Variants in C7 observed in about 807,000 individuals in gnomAD.
C7 encodes complement C7.
In C7, 83 loss-of-function variants were observed where a neutral mutation model predicts 104.8. The observed-to-expected ratio is 0.79, with a 90% CI of 0.66 to 0.95. C7 has a LOEUF of 0.95. Among genes scored for constraint, C7 ranks in the 40% least tolerant of loss-of-function variants. C7 has a pLI of 0.00. For missense variants in C7, 1,070 were observed against 1,011.2 expected (o/e 1.06, Z -0.79); for synonymous variants, 415 against 360.6 (o/e 1.15, Z -1.71).
chr5:40,946,695 A>G (rs945409900), intron 7 of C7, among the ~76,000 whole-genome samples: 13 of 152,194 alleles, frequency 8.5e-5, no homozygotes, highest in African/African-American at 2.9e-4. Flanking sequence ...ACTTATATTT[A>G]TCAGTTGATA....
Position 40,951,979 on chromosome 5 carries a change from G to A in C7, c.1093+1965G>A, listed in dbSNP as rs558113297. 5.3e-5 allele frequency among the ~76,000 whole-genome samples: 8 copies of A among 152,326 alleles called. No individual in the cohort carries two copies. In the South Asian group the frequency reaches 8.3e-4, roughly 16 times the overall value. Reference sequence around the variant, plus strand: ...TATGCCAGAGAAAGTGCTTGTCTTCGTGAAGTTGACATGTCAGAGGAGGAA... The same window carrying A: ...TATGCCAGAGAAAGTGCTTGTCTTCATGAAGTTGACATGTCAGAGGAGGAA... On this transcript the variant is annotated intron_variant, in intron 9 of 17. Transcript: ENST00000313164.
Position 40,958,019 on chromosome 5 carries a change from C to T in C7, c.1261-14C>T, listed in dbSNP as rs781354967. ...AATCCCTGATTACTGACTATAATGT[C>T]TTTATCTCTATAGCTGACACCTTTA... On this transcript the variant is annotated splice_polypyrimidine_tract_variant and intron_variant, in intron 10 of 17. Coordinates refer to ENST00000313164, the MANE Select transcript of C7 (RefSeq NM_000587.4). 2.5e-6 allele frequency: 4 copies of T among 1,585,462 alleles called. No individual in the cohort carries two copies. The highest frequency in any genetic ancestry group is 3.4e-6 in the Non-Finnish European group (4 of 1,159,466).
In C7 at chr5:40,955,407, C is replaced by T. The variant is rs375964034; in HGVS notation, c.1114C>T (p.Arg372Ter). The change falls in exon 10 of 18, where the codon CGA (arginine) becomes TGA (stop). Residue 372 changes from arginine (R) to a stop codon, truncating the protein, a stop_gained. Transcript: ENST00000313164. LOFTEE classifies it high-confidence loss of function. ...AASGTQNNVL[R>*]GEPFIRGGGA... Reference sequence around the variant, plus strand: ...TATAGGAACCCAGAACAATGTATTGCGAGGAGAACCGTTCATCAGAGGGGG... The same window carrying T: ...TATAGGAACCCAGAACAATGTATTGTGAGGAGAACCGTTCATCAGAGGGGG... The T allele has an allele frequency of 1.2e-6, 2 of 1,609,004 alleles. No homozygotes were observed. Among genetic ancestry groups the T allele is most frequent in the African/African-American group, 1.3e-5 (1 of 74,642 alleles).
At chr5:40,955,134 C>T (rs146736794) in intron 9 of C7, among the ~76,000 whole-genome samples, 9 of 152,216 alleles carry the variant, frequency 5.9e-5, no homozygotes, top group African/African-American at 2.2e-4. Context: ...AGGGTTCACT[C>T]TTGATATTGA....
intron 15 of C7, among the ~76,000 whole-genome samples, chr5:40,973,640 A>G (rs992307035): frequency 6.6e-6 from 1 of 152,246 alleles, no homozygotes; most frequent in South Asian, 2.1e-4. Flanking sequence ...TCAAAGCTCC[A>G]TCTCAGAGGA....
intron 3 of C7, among the ~76,000 whole-genome samples, chr5:40,933,919 G>T (rs1336642542): frequency 1.3e-5 from 2 of 149,226 alleles, no homozygotes; most frequent in African/African-American, 5.0e-5. Flanking sequence ...GCTTTACTCA[G>T]GTTACTTTCT....
At chr5:40,927,905 T>G (rs1739591895) in intron 1 of C7, among the ~76,000 whole-genome samples, 1 of 152,124 alleles carries the variant, frequency 6.6e-6, no homozygotes, top group Non-Finnish European at 1.5e-5. Context: ...GTCATAAAAC[T>G]TAAAAAAATT....
At chr5:40,946,097 A>G (rs1426396461) in intron 7 of C7, among the ~76,000 whole-genome samples, 2 of 151,852 alleles carry the variant, frequency 1.3e-5, no homozygotes, top group Admixed American at 6.6e-5. Flanking sequence ...ATGCTTATAT[A>G]TGCTTCTTAA....
In C7 at chr5:40,964,843, C is replaced by A; in HGVS notation, c.1852C>A (p.Arg618=). Residue 618 remains arginine, a synonymous_variant, in exon 14 of 18, where the codon CGG becomes AGG. Transcript: ENST00000313164. ...AGTGGCCAGATGTGGAGAAGATTTA[C>A]GGTGGCTTGTTGGGGAAATGCATTG... is the stretch of plus-strand genomic sequence containing the variant. The part of the protein sequence containing the change: ...NPVARCGEDL[R]WLVGEMHCQK... 1 of 1,613,640 alleles carries A rather than the reference C, an allele frequency of 6.2e-7. No individual in the cohort carries two copies. The highest frequency in any genetic ancestry group is 8.5e-7 in the Non-Finnish European group (1 of 1,179,732).
At chr5:40,940,681 G>T (rs557876391) in intron 6 of C7, among the ~76,000 whole-genome samples, 1 of 152,134 alleles carries the variant, frequency 6.6e-6, no homozygotes, top group Admixed American at 6.6e-5. Context: ...TTTAAATGAT[G>T]GTTAAAAATA....
At chr5:40,975,366 CTT>C (rs1162765793) in intron 15 of C7, among the ~76,000 whole-genome samples, 11 of 141,996 alleles carry the variant, frequency 7.7e-5, no homozygotes, top group Admixed American at 1.4e-4. Context: ...GAGAAGTGTG[CTT>C]TTTTTTTTTT....
chr5:40,911,883 C>T (rs897938488), intron 1 of C7, among the ~76,000 whole-genome samples: 4 of 151,164 alleles, frequency 2.6e-5, no homozygotes, highest in Non-Finnish European at 4.4e-5. Context: ...GGGCTACAGG[C>T]GTGCGCCACC....
At chr5:40,966,792 T>G (rs914168801) in intron 14 of C7, among the ~76,000 whole-genome samples, 4 of 152,172 alleles carry the variant, frequency 2.6e-5, no homozygotes, top group Non-Finnish European at 5.9e-5. Flanking sequence ...TAGTATTCTA[T>G]CGTATATATA....
chr5:40,949,875 A>G (rs773811708), intron 8 of C7, 29 bp from the exon 9 acceptor site: 1 of 1,355,024 alleles, frequency 7.4e-7, no homozygotes, highest in Non-Finnish European at 1.0e-6. Flanking sequence ...CAGAAATTAA[A>G]CATGTCTCTT....
At position 40,964,439 on chromosome 5, in the gene C7, T is replaced by C. The variant is rs142466269; in HGVS notation, c.1750-302T>C. ...TAAAAGTTAAAGGAAAAGAAATTAT[T>C]TGGACAGTGTCCAAATAATTTTAAT... On this transcript the variant is annotated intron_variant, in intron 13 of 17. Coordinates refer to ENST00000313164, the MANE Select transcript of C7 (RefSeq NM_000587.4). The C allele has an allele frequency of 2.3e-3, 452 of 192,572 alleles. 13 individuals carry two copies. The highest frequency in any genetic ancestry group is 0.023 in the Admixed American group (371 of 16,294). 11.9% of individuals were successfully genotyped at this position (192,572 alleles called of 1,614,324 possible).
intron 5 of C7, 105 bp downstream of exon 5, chr5:40,936,590 G>C (rs1292588290): frequency 2.9e-6 from 3 of 1,044,114 alleles, no homozygotes; most frequent in Non-Finnish European, 4.2e-6. Flanking sequence ...TAATAGGCAA[G>C]ATTATTCATT....
At chr5:40,922,477 G>A (rs139195868) in intron 1 of C7, among the ~76,000 whole-genome samples, 5 of 150,910 alleles carry the variant, frequency 3.3e-5, no homozygotes, top group South Asian at 4.2e-4. Context: ...TGAGGTGGGC[G>A]GATCATGAAG....
intron 7 of C7, among the ~76,000 whole-genome samples, chr5:40,945,884 A>ATATG (rs1740036882): frequency 9.8e-6 from 1 of 102,086 alleles, no homozygotes; most frequent in Non-Finnish European, 1.7e-5. Flanking sequence ...ACATATATAT[A>ATATG]TATATATATA....
intron 6 of C7, among the ~76,000 whole-genome samples, chr5:40,942,889 C>T (rs910009369): frequency 2.6e-5 from 4 of 151,906 alleles, no homozygotes; most frequent in African/African-American, 7.3e-5. Context: ...TTCAGCCTCC[C>T]GAGTAGCTGG....
Sources: gnomAD v4.1 joint callset for allele counts (sites outside exome capture counted in the v4.1 genomes callset) on GRCh38, gnomAD v4.1.1 for gene constraint, MANE v1.5 for transcripts, NCBI Gene and HGNC (gene_info 2026-07-23, HGNC 2026-07-21) for gene names.